ABCC12: variants seen among roughly 807,000 people sequenced by gnomAD.
The protein encoded by ABCC12 is ATP binding cassette subfamily C member 12, also known as ATP-binding cassette sub-family C member 12.
Under a neutral mutation model 151.1 loss-of-function variants are expected in ABCC12, and 142 were observed. That is an observed-to-expected ratio of 0.94 (90% confidence interval 0.82 to 1.08). The LOEUF is 1.08. ABCC12 is among the 50% of genes least tolerant of loss of function. ABCC12 has a pLI of 0.00. For missense variants in ABCC12, 1,638 were observed against 1,691.1 expected (o/e 0.97, Z 0.55); for synonymous variants, 645 against 646.4 (o/e 1.00, Z 0.03).
In ABCC12 at chr16:48,128,615, T is replaced by C. The variant is rs1256035230; in HGVS notation, c.1359A>G (p.Pro453=). The C allele has an allele frequency of 6.2e-7, 1 of 1,614,230 alleles. No homozygotes were observed. The highest frequency in any genetic ancestry group is 1.7e-5 in the Admixed American group (1 of 60,026). Residue 453 remains proline (P), a synonymous_variant, in exon 11 of 31, where the codon CCA becomes CCG. Transcript: ENST00000311303. ...WEHEASRKST[P]KKLQNQKRHL... is the part of the protein sequence containing the mutation. ...GCCTTTTCTGGTTCTGCAATTTCTT[T>C]GGGGTACTTTTCCTGCTGGCTTCAT... is the stretch of plus-strand genomic sequence containing the variant.
chr16:48,134,541 C>T (rs1964541332), intron 8 of ABCC12, among the ~76,000 whole-genome samples: 1 of 152,208 alleles, frequency 6.6e-6, no homozygotes, highest in Admixed American at 6.5e-5. Context: ...CATTGGCACA[C>T]AGACCTCAGA....
chr16:48,126,394 G>A (rs906264825), intron 11 of ABCC12, among the ~76,000 whole-genome samples: 2 of 152,142 alleles, frequency 1.3e-5, no homozygotes, highest in African/African-American at 4.8e-5. Context: ...GCTGGGCTTC[G>A]GGATAACGAC....
chr16:48,111,318 C>T (rs1224062377), intron 18 of ABCC12, 118 bp downstream of exon 18: 2 of 1,232,380 alleles, frequency 1.6e-6, no homozygotes, highest in East Asian at 2.3e-5. Context: ...GTACCCTAGA[C>T]CATCCAATTC....
At chr16:48,092,260 G>A (rs1397225529) in intron 24 of ABCC12, among the ~76,000 whole-genome samples, 1 of 152,250 alleles carries the variant, frequency 6.6e-6, no homozygotes, top group Non-Finnish European at 1.5e-5. Context: ...GATTGTACCA[G>A]GAGGGGATGG....
At chr16:48,100,738 A>T (rs1963274583) in intron 23 of ABCC12, 134 bp downstream of exon 23, 6 of 1,099,360 alleles carry the variant, frequency 5.5e-6, no homozygotes, top group Non-Finnish European at 7.5e-6. Context: ...GTCTTCAAGG[A>T]CTCCTCCTGA....
chr16:48,087,797 C>A, intron 27 of ABCC12, 129 bp downstream of exon 27: 1 of 1,006,900 alleles, frequency 9.9e-7, no homozygotes, highest in East Asian at 2.6e-5. Flanking sequence ...TTGTGAGCCC[C>A]CCTGGGATAC....
intron 22 of ABCC12, among the ~76,000 whole-genome samples, chr16:48,103,799 C>T (rs1963386825): frequency 6.6e-6 from 1 of 152,220 alleles, no homozygotes; most frequent in African/African-American, 2.4e-5. Flanking sequence ...TAAGGCCTTT[C>T]TCTAAACACA....
At chr16:48,137,789 G>A (rs1043864639) in intron 8 of ABCC12, among the ~76,000 whole-genome samples, 1 of 152,226 alleles carries the variant, frequency 6.6e-6, no homozygotes, top group Non-Finnish European at 1.5e-5. Flanking sequence ...CCTCGTGTCT[G>A]CCCAAGGAGT....
intron 23 of ABCC12, among the ~76,000 whole-genome samples, chr16:48,097,474 T>C (rs745336359): frequency 6.6e-6 from 1 of 152,174 alleles, no homozygotes; most frequent in African/African-American, 2.4e-5. Context: ...TGGGAGCTTC[T>C]TCAAGGACAG....
At chr16:48,117,899 A>C (rs1371029863) in intron 13 of ABCC12, among the ~76,000 whole-genome samples, 2 of 152,150 alleles carry the variant, frequency 1.3e-5, no homozygotes, top group Non-Finnish European at 2.9e-5. Flanking sequence ...CCCTGCAACA[A>C]CTCGGGATAC....
At position 48,088,679 on chromosome 16, in the gene ABCC12, C is replaced by A; in HGVS notation, c.3341G>T (p.Trp1114Leu). The A allele has an allele frequency of 6.2e-7, 1 of 1,614,184 alleles. No individual in the cohort carries two copies. The highest frequency in any genetic ancestry group is 8.5e-7 in the Non-Finnish European group (1 of 1,180,018). Residue 1114 changes from tryptophan to leucine, a missense_variant, in exon 26 of 31, where the codon TGG (tryptophan) becomes TTG (leucine). By Grantham distance (61) the Trp-to-Leu change is moderately conservative. Transcript: ENST00000311303. ...PLKVGTCPKDWPSRGEITFRD... is the reference protein window; with the variant it reads ...PLKVGTCPKDLPSRGEITFRD... Reference sequence around the variant, plus strand: ...GAAGGTGATCTCCCCACGGCTGGGCCAGTCCTTGGGACAGGTCCCCACTTT... The same window carrying A: ...GAAGGTGATCTCCCCACGGCTGGGCAAGTCCTTGGGACAGGTCCCCACTTT...
Position 48,152,410 on chromosome 16 carries a change from G to A in ABCC12, c.-51+1206C>T, listed in dbSNP as rs79273190. ...CGGTCTTTCTACCACATGTCCACCCGCTCTGCAACTGCCGGGCACAGCGGA... is the reference window on the plus strand; with the variant it reads ...CGGTCTTTCTACCACATGTCCACCCACTCTGCAACTGCCGGGCACAGCGGA... On this transcript the variant is annotated intron_variant, in intron 2 of 30. Transcript: ENST00000311303. Among the ~76,000 whole-genome samples, 60 of 152,260 alleles carry A rather than the reference G, an allele frequency of 3.9e-4. 1 individual carries two copies. The highest frequency in any genetic ancestry group is 1.4e-3 in the African/African-American group (59 of 41,544).
intron 4 of ABCC12, among the ~76,000 whole-genome samples, chr16:48,142,754 T>C (rs1255449747): frequency 1.3e-5 from 2 of 152,250 alleles, no homozygotes; most frequent in African/African-American, 2.4e-5. Flanking sequence ...GAAAAGTCTT[T>C]ATAAACTCTT....
At chr16:48,136,303 C>T (rs1394782290) in intron 8 of ABCC12, among the ~76,000 whole-genome samples, 4 of 152,134 alleles carry the variant, frequency 2.6e-5, no homozygotes. Context: ...GTTCTCTGTG[C>T]GTCCCAATCC....
intron 15 of ABCC12, among the ~76,000 whole-genome samples, chr16:48,114,278 T>C (rs1597312426): frequency 6.6e-6 from 1 of 152,110 alleles, no homozygotes; most frequent in Non-Finnish European, 1.5e-5. Flanking sequence ...ATCACAGCAA[T>C]GGGAAAGCTT....
In ABCC12 at chr16:48,083,578, T is replaced by G. The variant is rs34076060; in HGVS notation, c.*137A>C. 1.1e-3 allele frequency: 987 copies of G among 905,868 alleles called. 19 individuals are homozygous for G. The East Asian group carries it at 0.024, about 22-fold the overall frequency. The allele number at this position is 905,868 out of a possible 1,614,324, so 56.1% of individuals were successfully genotyped here. On this transcript the variant is annotated 3_prime_UTR_variant, in exon 31 of 31. Coordinates refer to ENST00000311303, the MANE Select transcript of ABCC12 (RefSeq NM_001393797.1). ...ACTGAGTATGGCAGTGGGGACAACT[T>G]CAGCCCCAGCTCACTCCGTGGATGG...
Position 48,133,714 on chromosome 16 carries a change from G to T in ABCC12, c.1101C>A (p.Leu367=). 1 of 1,614,092 alleles carries T rather than the reference G, an allele frequency of 6.2e-7. No homozygotes were observed. Among genetic ancestry groups the T allele is most frequent in the Non-Finnish European group, 8.5e-7 (1 of 1,180,012 alleles). ...AIVLTLSCHI[L]LRRKLTAPVA... ...CGGGTGCGGTGAGTTTGCGTCTCAG[G>T]AGGATGTGGCAGGATAATGTCAGCA... Residue 367 remains leucine, a synonymous_variant, in exon 9 of 31, where the codon CTC becomes CTA. Coordinates refer to ENST00000311303, the MANE Select transcript of ABCC12 (RefSeq NM_001393797.1).
At position 48,091,336 on chromosome 16, in the gene ABCC12, A is replaced by C; in HGVS notation, c.3196-127T>G. The C allele has an allele frequency of 6.1e-6, 5 of 818,676 alleles. No individual in the cohort carries two copies. In the South Asian group the frequency reaches 7.1e-5, roughly 12 times the overall value. The allele number at this position is 818,676 out of a possible 1,614,324, so 50.7% of individuals were successfully genotyped here. A position where few individuals can be genotyped will look rare whatever the true frequency, so the allele number is the denominator to read the frequency against. ...CCTAGCGCAAGACAGCACAAACAGGAGGCCTGCCTTCCCAGCCAAGCGCCC... is the reference window on the plus strand; with the variant it reads ...CCTAGCGCAAGACAGCACAAACAGGCGGCCTGCCTTCCCAGCCAAGCGCCC... On this transcript the variant is annotated intron_variant, in intron 24 of 30. Coordinates refer to ENST00000311303, the MANE Select transcript of ABCC12 (RefSeq NM_001393797.1).
intron 23 of ABCC12, 101 bp from the exon 24 acceptor site, chr16:48,097,003 G>T: frequency 7.0e-7 from 1 of 1,422,704 alleles, no homozygotes; most frequent in Non-Finnish European, 9.9e-7. Flanking sequence ...GGTGACTGGA[G>T]AAATGAGGCC....
Sources: allele counts gnomAD v4.1 joint callset (sites outside exome capture counted in the v4.1 genomes callset), GRCh38; gene constraint gnomAD v4.1.1; transcripts MANE v1.5; gene names NCBI Gene and HGNC (gene_info 2026-07-23, HGNC 2026-07-21).